The following UBAP2 variants were observed in gnomAD, a reference collection of about 807,000 sequenced individuals.
The protein encoded by UBAP2 is ubiquitin associated protein 2.
In UBAP2, 75 loss-of-function variants were observed where a neutral mutation model predicts 139.6. The ratio of observed to expected loss-of-function variants is 0.54; its 90% CI spans 0.45 to 0.65. The LOEUF (loss-of-function observed/expected upper bound fraction) is 0.65, where lower values mean the gene tolerates loss of function less well. Ranked by LOEUF, UBAP2 falls within the 30% of genes least tolerant of loss-of-function variation. The pLI is 0.00. For missense variants in UBAP2, 1,368 were observed against 1,369.6 expected, an observed-to-expected ratio of 1.00 and a Z score of 0.02; for synonymous variants, 526 against 526.2, an observed-to-expected ratio of 1.00 and a Z score of 0.01.
At chr9:34,031,542 G>A (rs530429427) in intron 1 of UBAP2, among the ~76,000 whole-genome samples, 25 of 151,930 alleles carry the variant, frequency 1.6e-4, no homozygotes, top group African/African-American at 6.0e-4. Context: ...CCTGACCTCA[G>A]GTGATCCACC....
chr9:33,956,116 A>G lies in UBAP2; in HGVS notation c.829T>C (p.Ser277Pro). ...AAGATGTGATTCTCTGCTGGAGCAG[A>G]TGAGGCAGTGAAGACCTTTGTTTCA... is the stretch of plus-strand genomic sequence containing the variant. The part of the protein sequence containing the change: ...LSETKVFTAS[S>P]APAENHILPG... Residue 277 changes from serine to proline, a missense_variant, in exon 11 of 29, where the codon TCT (serine) becomes CCT (proline). Coordinates refer to ENST00000379238, the MANE Select transcript of UBAP2 (RefSeq NM_001370062.2). 6.2e-7 allele frequency: 1 copy of G among 1,613,840 alleles called. No homozygotes were observed. Among genetic ancestry groups the G allele is most frequent in the Non-Finnish European group, 8.5e-7 (1 of 1,179,912 alleles).
chr9:33,970,871 C>T (rs1476576272), intron 8 of UBAP2, among the ~76,000 whole-genome samples: 5 of 152,330 alleles, frequency 3.3e-5, no homozygotes, highest in Non-Finnish European at 7.3e-5. Flanking sequence ...GGCACGATCT[C>T]GGCTCATTGC....
In UBAP2 at chr9:33,928,084, A is replaced by C. The variant is rs733105; in HGVS notation, c.2176-92T>G. 1,565 of 1,349,886 alleles carry C rather than the reference A, an allele frequency of 1.2e-3. 11 individuals are homozygous for C. In the African/African-American group the frequency reaches 0.017, roughly 14 times the overall value. 83.6% of individuals were successfully genotyped at this position (1,349,886 alleles called of 1,614,324 possible). A position where few individuals can be genotyped will look rare whatever the true frequency, so the allele number is the denominator to read the frequency against. ...GCCTGGCGCTTGGGCCCAAGTCTCA[A>C]GGCTGAGCAGGCAGGCAATGATGTA... On this transcript the variant is annotated intron_variant, in intron 19 of 28. Coordinates refer to ENST00000379238, the MANE Select transcript of UBAP2 (RefSeq NM_001370062.2).
In UBAP2 at chr9:33,922,357, G is replaced by T; in HGVS notation, c.*147C>A. 1 of 748,596 alleles carries T rather than the reference G, an allele frequency of 1.3e-6. No homozygotes were observed. The highest frequency in any genetic ancestry group is 2.3e-6 in the Non-Finnish European group (1 of 432,472). 46.4% of individuals were successfully genotyped at this position (748,596 alleles called of 1,614,324 possible). On this transcript the variant is annotated 3_prime_UTR_variant, in exon 29 of 29. Coordinates refer to ENST00000379238, the MANE Select transcript of UBAP2 (RefSeq NM_001370062.2). ...ATACATAAATACATTACATACAGTA[G>T]CCAGTCTGGGAGGCAGACTCCCCAC...
In UBAP2 at chr9:33,923,482, G is replaced by T. The variant is rs770286655; in HGVS notation, c.2797-4C>A. The T allele has an allele frequency of 4.3e-6, 7 of 1,613,846 alleles. No homozygotes were observed. Among genetic ancestry groups the T allele is most frequent in the African/African-American group, 1.3e-5 (1 of 74,872 alleles). ...GCTTGGCTGAGGCTGGAGGGACCTG[G>T]GGGGGCAAGCAGATGAGGTATTAGT... is the stretch of plus-strand genomic sequence containing the variant. On this transcript the variant is annotated splice_polypyrimidine_tract_variant and splice_region_variant and intron_variant, in intron 24 of 28. Transcript: ENST00000379238.
chr9:33,961,256 T>C (rs868335433), intron 9 of UBAP2, among the ~76,000 whole-genome samples: 2 of 152,242 alleles, frequency 1.3e-5, no homozygotes, highest in Non-Finnish European at 2.9e-5. Flanking sequence ...TCTTCCGATA[T>C]AGTCTTCAAA....
intron 8 of UBAP2, among the ~76,000 whole-genome samples, chr9:33,971,166 A>C (rs1827890604): frequency 6.6e-6 from 1 of 152,208 alleles, no homozygotes; most frequent in African/African-American, 2.4e-5. Flanking sequence ...ATAAATAACC[A>C]ATATTTACCC....
chr9:34,027,655 AGACCAT>A (rs1217167240), intron 1 of UBAP2, among the ~76,000 whole-genome samples: 2 of 151,856 alleles, frequency 1.3e-5, no homozygotes, highest in Non-Finnish European at 2.9e-5. Context: ...CAAGAGATCG[AGACCAT>A]CCTGGCTAAC....
chr9:33,956,879 C>A (rs1826606200), intron 10 of UBAP2, among the ~76,000 whole-genome samples: 1 of 151,766 alleles, frequency 6.6e-6, no homozygotes. Flanking sequence ...ACACTCTGGG[C>A]AGCCGAGGCA....
intron 12 of UBAP2, among the ~76,000 whole-genome samples, chr9:33,949,809 T>C (rs1041311265): frequency 6.6e-6 from 1 of 152,218 alleles, no homozygotes. Flanking sequence ...CTGCGATACA[T>C]AGGTATTTGA....
chr9:34,044,090 CAA>C (rs74180528), intron 1 of UBAP2, among the ~76,000 whole-genome samples: 21,482 of 85,456 alleles, frequency 0.25, 2,267 homozygotes, highest in South Asian at 0.4. Flanking sequence ...AACTCCACCT[CAA>C]AAAAAAAAAA....
chr9:34,027,208 C>T (rs765846717), intron 1 of UBAP2, among the ~76,000 whole-genome samples: 3 of 152,082 alleles, frequency 2.0e-5, no homozygotes, highest in East Asian at 3.9e-4. Flanking sequence ...AGGCCAGGTA[C>T]GGTGGCTCAC....
chr9:33,928,619 A>C (rs1279351085), intron 19 of UBAP2: 3 of 152,558 alleles, frequency 2.0e-5, no homozygotes, highest in African/African-American at 7.2e-5. Flanking sequence ...ACCCCTGTGA[A>C]GAAAGAGTGA....
At chr9:33,946,574 T>TGA (rs1345414092) in intron 13 of UBAP2, among the ~76,000 whole-genome samples, 1 of 152,168 alleles carries the variant, frequency 6.6e-6, no homozygotes, top group African/African-American at 2.4e-5. Context: ...CAACCTAATA[T>TGA]TTTAGCCTTT....
In UBAP2 at chr9:33,922,152, G is replaced by C. The variant is rs1822940433; in HGVS notation, c.*352C>G. 1 of 257,716 alleles carries C rather than the reference G, an allele frequency of 3.9e-6. No individual in the cohort carries two copies. The highest frequency in any genetic ancestry group is 2.2e-5 in the African/African-American group (1 of 44,502). The allele number at this position is 257,716 out of a possible 1,614,324, so 16.0% of individuals were successfully genotyped here. ...AAACAGCCTTGAACCAGCCCTTCCA[G>C]AGACTGCCCCTAGTGGCCCACTGGG... is the stretch of plus-strand genomic sequence containing the variant. On this transcript the variant is annotated 3_prime_UTR_variant, in exon 29 of 29. Coordinates refer to ENST00000379238, the MANE Select transcript of UBAP2 (RefSeq NM_001370062.2).
chr9:33,947,515 A>T (rs1277381620), intron 13 of UBAP2, among the ~76,000 whole-genome samples: 1 of 152,166 alleles, frequency 6.6e-6, no homozygotes, highest in Non-Finnish European at 1.5e-5. Flanking sequence ...AAAGCATGAG[A>T]GTGTGATAGT....
intron 1 of UBAP2, among the ~76,000 whole-genome samples, chr9:34,018,472 TA>T (rs1824595417): frequency 6.6e-6 from 1 of 151,556 alleles, no homozygotes; most frequent in South Asian, 2.1e-4. Flanking sequence ...AATCAAAAAC[TA>T]AATTACCATA....
chr9:33,975,222 G>C (rs1828218132), intron 6 of UBAP2, among the ~76,000 whole-genome samples: 1 of 151,726 alleles, frequency 6.6e-6, no homozygotes, highest in Non-Finnish European at 1.5e-5. Context: ...ACGAGGTCAG[G>C]AGTTCAAGAC....
intron 10 of UBAP2, among the ~76,000 whole-genome samples, chr9:33,959,720 G>A (rs1826877013): frequency 6.6e-6 from 1 of 152,024 alleles, no homozygotes; most frequent in African/African-American, 2.4e-5. Context: ...TTTAAAAAAA[G>A]GTTCTTCTAG....
Sources: gnomAD v4.1 joint callset for allele counts (sites outside exome capture counted in the v4.1 genomes callset) on GRCh38, gnomAD v4.1.1 for gene constraint, MANE v1.5 for transcripts, NCBI Gene and HGNC (gene_info 2026-07-23, HGNC 2026-07-21) for gene names.